The following CADM2 variants were observed in gnomAD, a reference collection of about 807,000 sequenced individuals.
The protein encoded by CADM2 is cell adhesion molecule 2.
In CADM2, 12 loss-of-function variants were observed where a neutral mutation model predicts 49.8. That is an observed-to-expected ratio of 0.24 (90% CI 0.15 to 0.39). CADM2 has a LOEUF of 0.39. CADM2 is among the 10% of genes least tolerant of loss of function. The probability of loss-of-function intolerance (pLI) is 1.00; values close to 1 mark genes in which losing one functional copy is unlikely to be tolerated. For synonymous variants in CADM2, 214 were observed against 175.4 expected, an observed-to-expected ratio of 1.22 and a Z score of -1.74; for missense variants, 378 against 492.3, an observed-to-expected ratio of 0.77 and a Z score of 2.20.
At chr3:85,281,961 G>T (rs1156801735) in intron 1 of CADM2, among the ~76,000 whole-genome samples, 2 of 152,010 alleles carry the variant, frequency 1.3e-5, no homozygotes, top group African/African-American at 2.4e-5. Context: ...TCATTATATT[G>T]AGAGTTCCAT....
At chr3:85,016,816 A>G (rs983851690) in intron 1 of CADM2, among the ~76,000 whole-genome samples, 4 of 152,234 alleles carry the variant, frequency 2.6e-5, no homozygotes, top group African/African-American at 9.6e-5. Context: ...AAGAAAAAGA[A>G]AAGAAAAGAA....
intron 2 of CADM2, among the ~76,000 whole-genome samples, chr3:85,778,290 C>T (rs919361638): frequency 6.6e-6 from 1 of 152,096 alleles, no homozygotes; most frequent in Non-Finnish European, 1.5e-5. Flanking sequence ...TATACACACA[C>T]ATATACACAA....
chr3:85,485,383 G>A (rs2039375282), intron 1 of CADM2, among the ~76,000 whole-genome samples: 1 of 151,874 alleles, frequency 6.6e-6, no homozygotes, highest in African/African-American at 2.4e-5. Context: ...TCAGCCCAAA[G>A]CATTGTTAAC....
chr3:86,007,387 T>G (rs1337849854), intron 8 of CADM2, among the ~76,000 whole-genome samples: 1 of 152,096 alleles, frequency 6.6e-6, no homozygotes, highest in Non-Finnish European at 1.5e-5. Context: ...AATATGACAC[T>G]GGGGAAAATG....
intron 1 of CADM2, among the ~76,000 whole-genome samples, chr3:84,987,239 C>T (rs13066623): frequency 0.24 from 36,122 of 151,640 alleles, 5,390 homozygotes; most frequent in Non-Finnish European, 0.34. Context: ...CCATCTCCCG[C>T]AGATGCCCTC....
intron 8 of CADM2, chr3:86,012,662 G>T (rs964875038): frequency 1.9e-4 from 270 of 1,421,154 alleles, no homozygotes; most frequent in Non-Finnish European, 2.6e-4. Context: ...CCAGGAGTGG[G>T]TGGAGAATTG....
chr3:86,038,614 TAATA>T (rs1735462252), intron 8 of CADM2, among the ~76,000 whole-genome samples: 1 of 152,212 alleles, frequency 6.6e-6, no homozygotes. Context: ...ATCTTCTCAA[TAATA>T]AATTACTTAT....
intron 1 of CADM2, among the ~76,000 whole-genome samples, chr3:85,658,442 G>A (rs2065275679): frequency 6.6e-6 from 1 of 151,406 alleles, no homozygotes; most frequent in Non-Finnish European, 1.5e-5. Flanking sequence ...AAGCCACCCA[G>A]TCTGTACTAC....
intron 8 of CADM2, among the ~76,000 whole-genome samples, chr3:85,986,785 A>C (rs112454427): frequency 6.6e-6 from 1 of 152,114 alleles, no homozygotes; most frequent in Non-Finnish European, 1.5e-5. Flanking sequence ...TATATGTTCT[A>C]TAGGTGGAGG....
At chr3:86,008,351 A>G (rs1294460326) in intron 8 of CADM2, among the ~76,000 whole-genome samples, 1 of 152,114 alleles carries the variant, frequency 6.6e-6, no homozygotes, top group Non-Finnish European at 1.5e-5. Context: ...TAGGTCATCT[A>G]TATAGCACAT....
At chr3:85,594,585 G>T (rs1401512437) in intron 1 of CADM2, among the ~76,000 whole-genome samples, 2 of 151,650 alleles carry the variant, frequency 1.3e-5, no homozygotes, top group Non-Finnish European at 2.9e-5. Flanking sequence ...CAAGTAAAAA[G>T]AGAGAGAGAG....
chr3:85,431,860 C>CATATGT (rs139257494), intron 1 of CADM2, among the ~76,000 whole-genome samples: 2 of 51,864 alleles, frequency 3.9e-5, no homozygotes, highest in Non-Finnish European at 8.5e-5. Context: ...TGCTTAATTG[C>CATATGT]ATATATATAT....
At chr3:85,345,813 C>G (rs551653494) in intron 1 of CADM2, among the ~76,000 whole-genome samples, 2 of 152,036 alleles carry the variant, frequency 1.3e-5, no homozygotes, top group Non-Finnish European at 2.9e-5. Flanking sequence ...TTTTGATGGT[C>G]GTAATTTGGT....
intron 2 of CADM2, among the ~76,000 whole-genome samples, chr3:85,795,495 T>A (rs1423831772): frequency 1.3e-5 from 2 of 152,088 alleles, no homozygotes; most frequent in Non-Finnish European, 2.9e-5. Context: ...CCTAGAGAAC[T>A]AAAATCATAC....
Position 85,577,110 on chromosome 3 carries a change from G to A in CADM2, c.62-149412G>A, listed in dbSNP as rs576266202. 6.6e-5 allele frequency among the ~76,000 whole-genome samples: 10 copies of A among 152,206 alleles called. No individual in the cohort carries two copies. In the South Asian group the frequency reaches 1.9e-3, roughly 28 times the overall value. On this transcript the variant is annotated intron_variant, in intron 1 of 9. Transcript: ENST00000383699. ...ATGTACCCCATCTGAGTCTTTATCC[G>A]TTGATTCTCTATTTTTTTTCTTACA...
At chr3:85,145,879 A>ATGTTAACAC (rs2039724115) in intron 1 of CADM2, among the ~76,000 whole-genome samples, 1 of 152,138 alleles carries the variant, frequency 6.6e-6, no homozygotes, top group Non-Finnish European at 1.5e-5. Flanking sequence ...ATTAAGTTTG[A>ATGTTAACAC]TGTTAACACG....
chr3:85,727,076 T>C (rs191914676), intron 2 of CADM2, among the ~76,000 whole-genome samples: 32 of 152,228 alleles, frequency 2.1e-4, no homozygotes, highest in Admixed American at 1.2e-3. Flanking sequence ...AAGATGCACA[T>C]GTCCAACGCT....
At chr3:85,763,759 C>T (rs2069511264) in intron 2 of CADM2, among the ~76,000 whole-genome samples, 1 of 152,142 alleles carries the variant, frequency 6.6e-6, no homozygotes, top group African/African-American at 2.4e-5. Context: ...CCTCCCATAG[C>T]TGCATAATCT....
chr3:85,995,807 G>A (rs976618665), intron 8 of CADM2, among the ~76,000 whole-genome samples: 1 of 152,008 alleles, frequency 6.6e-6, no homozygotes, highest in Non-Finnish European at 1.5e-5. Context: ...AATAAAATAC[G>A]GGGTGGGCAC....
Sources: gnomAD v4.1 joint callset for allele counts (sites outside exome capture counted in the v4.1 genomes callset) on GRCh38, gnomAD v4.1.1 for gene constraint, MANE v1.5 for transcripts, NCBI Gene and HGNC (gene_info 2026-07-23, HGNC 2026-07-21) for gene names.